The following POU6F1 variants were observed in gnomAD, a reference collection of about 807,000 sequenced individuals.
POU6F1 encodes POU class 6 homeobox 1, also known as POU domain, class 6, transcription factor 1.
A neutral mutation model predicts 28.9 loss-of-function variants in POU6F1; 9 were observed. The observed-to-expected ratio is 0.31, with a 90% CI of 0.19 to 0.54. The LOEUF is 0.54. POU6F1 is among the 20% of genes least tolerant of loss of function. The probability of loss-of-function intolerance (pLI) is 0.94; values close to 1 mark genes in which losing one functional copy is unlikely to be tolerated. For synonymous variants in POU6F1, 173 were observed against 171.1 expected (o/e 1.01, Z -0.09); for missense variants, 338 against 426.1 (o/e 0.79, Z 1.82).
Position 51,196,082 on chromosome 12 carries a change from T to C in POU6F1, c.1067A>G (p.Gln356Arg). Residue 356 changes from glutamine (Q) to arginine (R), a missense_variant, in exon 8 of 11, where the codon CAG (glutamine) becomes CGG (arginine). Gln to Arg is a conservative substitution (Grantham distance 43). Around this residue, in one of 3 missense-constraint regions of POU6F1, gnomAD observed 206 missense variants for 225.6 expected, o/e 0.91. Coordinates refer to ENST00000333640, the MANE Select transcript of POU6F1 (RefSeq NM_001330422.2). ...QSLQVQAVTP[Q>R]LLLNAQGQVI... ...CTGGCCCTGGGCGTTCAACAACAGCTGGGGGGTCACGGCCTGGACCTGCAG... is the reference window on the plus strand; with the variant it reads ...CTGGCCCTGGGCGTTCAACAACAGCCGGGGGGTCACGGCCTGGACCTGCAG... The C allele has an allele frequency of 6.2e-7, 1 of 1,606,478 alleles. No individual in the cohort carries two copies. The highest frequency in any genetic ancestry group is 1.1e-5 in the South Asian group (1 of 89,808).
intron 7 of POU6F1, 96 bp from the exon 8 acceptor site, chr12:51,196,269 G>T: frequency 9.3e-7 from 1 of 1,070,114 alleles, no homozygotes; most frequent in Non-Finnish European, 1.3e-6. Context: ...CAGACTAATG[G>T]ACAAATCCCT....
intron 1 of POU6F1, among the ~76,000 whole-genome samples, chr12:51,210,449 T>C (rs1404987507): frequency 1.3e-5 from 2 of 152,160 alleles, no homozygotes; most frequent in Non-Finnish European, 1.5e-5. Flanking sequence ...CAGTAGCCAA[T>C]CTTTGTAGGA....
At position 51,192,417 on chromosome 12, in the gene POU6F1, T is replaced by C; in HGVS notation, c.1234A>G (p.Ser412Gly). 1 of 1,614,048 alleles carries C rather than the reference T, an allele frequency of 6.2e-7. No individual in the cohort carries two copies. Among genetic ancestry groups the C allele is most frequent in the Non-Finnish European group, 8.5e-7 (1 of 1,180,016 alleles). Residue 412 changes from serine (S) to glycine (G), a missense_variant, in exon 9 of 11, where the codon AGC becomes GGC. Physicochemically the swap from Ser to Gly is moderately conservative, Grantham distance 56. Around this residue, in one of 3 missense-constraint regions of POU6F1, gnomAD observed 206 missense variants for 225.6 expected, o/e 0.91. Coordinates refer to ENST00000333640, the MANE Select transcript of POU6F1 (RefSeq NM_001330422.2). ...GATGGCTTGGCGGCTGGAGCTGGGC[T>C]GGCAATGACCACAGCAGGCTGGGGC... ...TVPQPAVVIA[S>G]PAPAAKPSAS...
intron 2 of POU6F1, among the ~76,000 whole-genome samples, chr12:51,204,763 T>C (rs1258523615): frequency 2.0e-5 from 3 of 152,112 alleles, no homozygotes. Context: ...GTATGAGGGC[T>C]CCTAACATGG....
chr12:51,201,125 T>A (rs1943177940), intron 3 of POU6F1, among the ~76,000 whole-genome samples: 1 of 152,226 alleles, frequency 6.6e-6, no homozygotes, highest in Non-Finnish European at 1.5e-5. Flanking sequence ...CCCTGCGATA[T>A]GGCCAAGAGT....
chr12:51,192,227 C>T, intron 9 of POU6F1, 103 bp downstream of exon 9: 2 of 1,475,932 alleles, frequency 1.4e-6, no homozygotes, highest in Non-Finnish European at 1.8e-6. Context: ...CTGCCCTTCC[C>T]CTCTGGACCC....
At chr12:51,212,136 C>T (rs1181276326) in intron 1 of POU6F1, among the ~76,000 whole-genome samples, 2 of 151,976 alleles carry the variant, frequency 1.3e-5, no homozygotes, top group Non-Finnish European at 2.9e-5. Flanking sequence ...CTCTGTCACC[C>T]AGGCTGGAGT....
intron 3 of POU6F1, among the ~76,000 whole-genome samples, chr12:51,201,495 A>G (rs888987107): frequency 6.6e-6 from 1 of 151,812 alleles, no homozygotes. Flanking sequence ...CTGGGCAACA[A>G]AACAAGATGC....
Position 51,188,843 on chromosome 12 carries a change from G to A in POU6F1, c.*1404C>T, listed in dbSNP as rs529461844. 4.6e-5 allele frequency: 7 copies of A among 152,096 alleles called. No individual in the cohort carries two copies. The South Asian group carries it at 1.5e-3, about 32-fold the overall frequency. The allele number at this position is 152,096 out of a possible 1,614,324, so 9.4% of individuals were successfully genotyped here. ...CCCCCGTGACTTGGGGCCCTTTAGG[G>A]ATAATCTACACCGCAAGCCTGTGGT... On this transcript the variant is annotated 3_prime_UTR_variant, in exon 11 of 11. Coordinates refer to ENST00000333640, the MANE Select transcript of POU6F1 (RefSeq NM_001330422.2).
At chr12:51,207,758 T>C (rs541996089) in intron 1 of POU6F1, 1 of 152,332 alleles carries the variant, frequency 6.6e-6, no homozygotes, top group South Asian at 2.1e-4. Context: ...TTAGACCTTT[T>C]CACCCAACTA....
intron 3 of POU6F1, among the ~76,000 whole-genome samples, chr12:51,202,858 G>A (rs565368999): frequency 1.3e-5 from 2 of 152,284 alleles, no homozygotes; most frequent in Admixed American, 6.5e-5. Context: ...ATGAAAATAT[G>A]CATGTGTGAC....
chr12:51,194,225 C>T (rs1178711406), intron 8 of POU6F1, among the ~76,000 whole-genome samples: 2 of 152,106 alleles, frequency 1.3e-5, no homozygotes, highest in Non-Finnish European at 2.9e-5. Flanking sequence ...CGAGGTTTCA[C>T]CATGTTGGGC....
intron 3 of POU6F1, among the ~76,000 whole-genome samples, chr12:51,203,192 T>C (rs1003485045): frequency 1.4e-4 from 21 of 152,042 alleles, no homozygotes; most frequent in African/African-American, 5.1e-4. Context: ...AGAGCGAATT[T>C]GGATAAGGAG....
intron 3 of POU6F1, among the ~76,000 whole-genome samples, chr12:51,200,315 G>C (rs552659214): frequency 3.8e-4 from 58 of 152,306 alleles, no homozygotes; most frequent in African/African-American, 1.4e-3. Context: ...GGTACTTTTG[G>C]ATGCAGCTGC....
Position 51,197,792 on chromosome 12 carries a change from C to G in POU6F1, c.824G>C (p.Gly275Ala), listed in dbSNP as rs1355223383. 10 of 399,596 alleles carry G rather than the reference C, an allele frequency of 2.5e-5. No individual in the cohort carries two copies. Among genetic ancestry groups the G allele is most frequent in the African/African-American group, 4.1e-5 (2 of 48,476 alleles). The allele number at this position is 399,596 out of a possible 1,614,324, so 24.8% of individuals were successfully genotyped here. ...TACGATTCCTGGGCTAAATGCGAAG[C>G]CTGCAGGCTGGACGGTGATCTGTGG... ...TPPQITVQPAGFAFSPGIISA... is the reference protein window; with the variant it reads ...TPPQITVQPAAFAFSPGIISA... The change falls in exon 6 of 11, where the codon GGC (glycine) becomes GCC (alanine). Residue 275 changes from glycine (G) to alanine (A), a missense_variant. By Grantham distance (60) the Gly-to-Ala change is moderately conservative. Coordinates refer to ENST00000333640, the MANE Select transcript of POU6F1 (RefSeq NM_001330422.2).
chr12:51,197,468 C>T (rs1439235930), intron 6 of POU6F1, among the ~76,000 whole-genome samples: 2 of 152,186 alleles, frequency 1.3e-5, no homozygotes, highest in South Asian at 4.1e-4. Context: ...CTGACTGCAC[C>T]GTAGGGACAG....
chr12:51,212,915 C>A (rs1944097361), intron 1 of POU6F1, among the ~76,000 whole-genome samples: 1 of 151,736 alleles, frequency 6.6e-6, no homozygotes, highest in Non-Finnish European at 1.5e-5. Flanking sequence ...AAGAGGGACA[C>A]CTAACACCTA....
At chr12:51,216,967 G>T (rs1944320203) in intron 1 of POU6F1, among the ~76,000 whole-genome samples, 1 of 152,022 alleles carries the variant, frequency 6.6e-6, no homozygotes, top group Admixed American at 6.6e-5. Context: ...GCCTGCCCAG[G>T]GAGCCTGCAT....
At chr12:51,213,387 A>T (rs1592206324) in intron 1 of POU6F1, among the ~76,000 whole-genome samples, 1 of 150,348 alleles carries the variant, frequency 6.7e-6, no homozygotes, top group Admixed American at 6.7e-5. Flanking sequence ...TTTTATTATC[A>T]TTTTTTTTCA....
Sources: gnomAD v4.1 joint callset for allele counts (sites outside exome capture counted in the v4.1 genomes callset) on GRCh38, gnomAD v4.1.1 for gene constraint, gnomAD v4.1.1 regional missense constraint, MANE v1.5 for transcripts, NCBI Gene and HGNC (gene_info 2026-07-23, HGNC 2026-07-21) for gene names.